The following GRK4 variants were observed in gnomAD, a reference collection of about 807,000 sequenced individuals.
GRK4 encodes the protein G protein-coupled receptor kinase 4.
A neutral mutation model predicts 77.9 loss-of-function variants in GRK4; 73 were observed. The ratio of observed to expected loss-of-function variants is 0.94; its 90% CI spans 0.78 to 1.14. The LOEUF is 1.14. Ranked by LOEUF, GRK4 falls within the 50% of genes most tolerant of loss-of-function variation. The pLI is 0.00. For missense variants in GRK4, 729 were observed against 700.2 expected (o/e 1.04, Z -0.46); for synonymous variants, 257 against 254.4 (o/e 1.01, Z -0.10).
At chr4:2,983,280 CT>C (rs1330079852) in intron 1 of GRK4, among the ~76,000 whole-genome samples, 5 of 152,318 alleles carry the variant, frequency 3.3e-5, no homozygotes, top group Admixed American at 1.3e-4. Context: ...GGAAATGTGG[CT>C]TTTGCCCTGG....
chr4:3,002,690 A>G (rs1730186243), intron 4 of GRK4, among the ~76,000 whole-genome samples: 1 of 151,904 alleles, frequency 6.6e-6, no homozygotes, highest in African/African-American at 2.4e-5. Context: ...ACCACAGAAC[A>G]AGACTCCATC....
chr4:2,997,777 G>A (rs1205886196), intron 4 of GRK4, among the ~76,000 whole-genome samples: 2 of 151,848 alleles, frequency 1.3e-5, no homozygotes, highest in African/African-American at 2.4e-5. Flanking sequence ...CCATGGTGGT[G>A]CACGCCTATA....
intron 5 of GRK4, among the ~76,000 whole-genome samples, chr4:3,005,969 T>C (rs1198230379): frequency 6.6e-6 from 1 of 152,092 alleles, no homozygotes; most frequent in Non-Finnish European, 1.5e-5. Context: ...ATAAATGGCA[T>C]GCATCCCATC....
chr4:3,034,209 G>A (rs1161347212), intron 12 of GRK4, among the ~76,000 whole-genome samples: 18 of 152,186 alleles, frequency 1.2e-4, no homozygotes, highest in African/African-American at 3.9e-4. Flanking sequence ...TCAGCAAGCC[G>A]AAGAGCTTTG....
chr4:2,978,271 A>C (rs1206873909), intron 1 of GRK4, among the ~76,000 whole-genome samples: 1 of 152,246 alleles, frequency 6.6e-6, no homozygotes, highest in Non-Finnish European at 1.5e-5. Context: ...AAGCTAATTG[A>C]TAATATGCTA....
rs769141251 is a variant in GRK4 at position 3,040,672 on chromosome 4, C to G, written c.*47C>G. The G allele has an allele frequency of 2.0e-6, 3 of 1,515,934 alleles. No individual in the cohort carries two copies. Among genetic ancestry groups the G allele is most frequent in the Non-Finnish European group, 1.8e-6 (2 of 1,099,890 alleles). 93.9% of individuals were successfully genotyped at this position (1,515,934 alleles called of 1,614,324 possible). On this transcript the variant is annotated 3_prime_UTR_variant, in exon 16 of 16. Transcript: ENST00000398052. ...AGCAGACCCTGGCGCCAGGAAGGAG[C>G]ATGTGTTAGCGTCTCGTCCCACCTG...
chr4:2,968,827 G>T (rs113054773), intron 1 of GRK4, among the ~76,000 whole-genome samples: 1 of 152,182 alleles, frequency 6.6e-6, no homozygotes, highest in African/African-American at 2.4e-5. Flanking sequence ...GGTCACTCCT[G>T]TGACAGAGCA....
chr4:3,028,974 G>A (rs548793609), intron 11 of GRK4, among the ~76,000 whole-genome samples: 39 of 152,242 alleles, frequency 2.6e-4, no homozygotes, highest in South Asian at 2.1e-3. Context: ...GTTTCACCAT[G>A]TTGTCCAGGC....
chr4:3,002,935 G>A (rs1730269689), intron 4 of GRK4, among the ~76,000 whole-genome samples: 1 of 152,134 alleles, frequency 6.6e-6, no homozygotes, highest in South Asian at 2.1e-4. Flanking sequence ...AAAAAAACAC[G>A]TAACATGAAG....
At chr4:2,979,665 A>G (rs1334131982) in intron 1 of GRK4, among the ~76,000 whole-genome samples, 4 of 152,140 alleles carry the variant, frequency 2.6e-5, no homozygotes, top group Non-Finnish European at 4.4e-5. Context: ...GTGAGCCAAG[A>G]TCACACCATT....
chr4:2,989,125 G>C (rs1725360541), intron 3 of GRK4, among the ~76,000 whole-genome samples: 1 of 151,982 alleles, frequency 6.6e-6, no homozygotes, highest in Non-Finnish European at 1.5e-5. Context: ...AGGTTGCAGT[G>C]AGCCGAGATC....
Position 3,040,753 on chromosome 4 carries a change from T to C in GRK4, c.*128T>C. On this transcript the variant is annotated 3_prime_UTR_variant, in exon 16 of 16. Transcript: ENST00000398052. Reference sequence around the variant, plus strand: ...TGCCTTGGGAGTGTACAGACCTTTCTGCACTAATACCTGAGTTGTCTTTTC... The same window carrying C: ...TGCCTTGGGAGTGTACAGACCTTTCCGCACTAATACCTGAGTTGTCTTTTC... The C allele has an allele frequency of 4.2e-6, 2 of 471,290 alleles. No homozygotes were observed. Among genetic ancestry groups the C allele is most frequent in the Non-Finnish European group, 6.8e-6 (2 of 296,176 alleles). 29.2% of individuals were successfully genotyped at this position (471,290 alleles called of 1,614,324 possible).
chr4:3,035,277 ATGCACC>A (rs1267529577), intron 12 of GRK4, 103 bp from the exon 13 acceptor site: 2 of 1,058,806 alleles, frequency 1.9e-6, no homozygotes, highest in African/African-American at 3.2e-5. Context: ...GATTTGTTAG[ATGCACC>A]TGCTCTGCCC....
At chr4:3,040,478 C>T in intron 15 of GRK4, 94 bp from the exon 16 acceptor site, 1 of 877,142 alleles carries the variant, frequency 1.1e-6, no homozygotes, top group Non-Finnish European at 1.7e-6. Context: ...AAAAAGCACC[C>T]CCCACCCAAA....
intron 13 of GRK4, among the ~76,000 whole-genome samples, chr4:3,036,297 T>G (rs1740624022): frequency 6.6e-6 from 1 of 152,230 alleles, no homozygotes; most frequent in Non-Finnish European, 1.5e-5. Context: ...CTGTGCCTCC[T>G]TGTGAGTGTG....
intron 1 of GRK4, among the ~76,000 whole-genome samples, chr4:2,973,373 T>C (rs1720148421): frequency 6.6e-6 from 1 of 152,162 alleles, no homozygotes; most frequent in East Asian, 1.9e-4. Flanking sequence ...TGTAGTACTA[T>C]GGCTTGAAAG....
chr4:2,979,403 CAAAA>C (rs144374548), intron 1 of GRK4, among the ~76,000 whole-genome samples: 2 of 59,194 alleles, frequency 3.4e-5, no homozygotes, highest in East Asian at 6.2e-4. Flanking sequence ...GACTCTGTCT[CAAAA>C]AAAAAAAAAA....
chr4:3,000,553 T>G (rs1000044579), intron 4 of GRK4, among the ~76,000 whole-genome samples: 2 of 116,564 alleles, frequency 1.7e-5, no homozygotes, highest in African/African-American at 7.7e-5. Flanking sequence ...TTTTTTCTTT[T>G]CTTTTCTTTT....
intron 4 of GRK4, among the ~76,000 whole-genome samples, chr4:3,001,980 C>T (rs935609409): frequency 6.6e-6 from 1 of 152,068 alleles, no homozygotes; most frequent in Non-Finnish European, 1.5e-5. Context: ...TTTCCTTTTT[C>T]CAGAATTCTC....
Sources: gnomAD v4.1 joint callset for allele counts (sites outside exome capture counted in the v4.1 genomes callset) on GRCh38, gnomAD v4.1.1 for gene constraint, MANE v1.5 for transcripts, NCBI Gene and HGNC (gene_info 2026-07-23, HGNC 2026-07-21) for gene names.